SV2B: variants seen among roughly 807,000 people sequenced by gnomAD.
The protein encoded by SV2B is synaptic vesicle glycoprotein 2B.
Under a neutral mutation model 73.9 loss-of-function variants are expected in SV2B, and 41 were observed. The ratio of observed to expected loss-of-function variants is 0.56; its 90% CI spans 0.43 to 0.72. The LOEUF (loss-of-function observed/expected upper bound fraction) is 0.72, where lower values mean the gene tolerates loss of function less well. Among genes scored for constraint, SV2B ranks in the 30% least tolerant of loss-of-function variants. The pLI, the probability that SV2B is intolerant of heterozygous loss-of-function variation, is 0.00. For missense variants in SV2B, 764 were observed against 857.8 expected (o/e 0.89, Z 1.37); for synonymous variants, 314 against 314.2 (o/e 1.00, Z 0.01).
At position 91,121,592 on chromosome 15, in the gene SV2B, C is replaced by T. The variant is rs761531752; in HGVS notation, c.-392+21229C>T. 1.3e-5 allele frequency among the ~76,000 whole-genome samples: 2 copies of T among 151,874 alleles called. No homozygotes were observed. Among genetic ancestry groups the T allele is most frequent in the Non-Finnish European group, 2.9e-5 (2 of 68,006 alleles). On this transcript the variant is annotated intron_variant, in intron 1 of 12. Transcript: ENST00000394232. The surrounding 1 kb of genome is among the most constrained non-coding windows in gnomAD (Gnocchi z 4.4). ...AGACTTGACATGTGGGCAAACCGAG[C>T]AGGGCACCCATTAGCTGGAAGGGAA...
intron 1 of SV2B, among the ~76,000 whole-genome samples, chr15:91,159,596 C>A (rs999638916): frequency 6.6e-6 from 1 of 152,134 alleles, no homozygotes; most frequent in Admixed American, 6.6e-5. Context: ...AAATCAATAG[C>A]AAGCATTACA....
intron 1 of SV2B, among the ~76,000 whole-genome samples, chr15:91,145,871 G>A (rs1014937994): frequency 8.6e-5 from 13 of 152,036 alleles, no homozygotes; most frequent in African/African-American, 3.1e-4. Flanking sequence ...CCTTATAGAT[G>A]CTGGATATTA....
Position 91,296,931 on chromosome 15 carries a change from G to GTTGGGCGCACGCTCCTTCTGCCTGATCA in SV2B, c.*4384_*4385insCGCACGCTCCTTCTGCCTGATCATTGGG, listed in dbSNP as rs2049267453. 7.5e-6 allele frequency: 1 copy of GTTGGGCGCACGCTCCTTCTGCCTGATCA among 132,988 alleles called. No homozygotes were observed. The highest frequency in any genetic ancestry group is 3.2e-5 in the African/African-American group (1 of 31,596). The allele number at this position is 132,988 out of a possible 1,614,324, so 8.2% of individuals were successfully genotyped here. On this transcript the variant is annotated 3_prime_UTR_variant, in exon 13 of 13. Transcript: ENST00000394232. Reference sequence around the variant, plus strand: ...GGGCGCATGCTCCTTCTGCCCGATCGTTGGGAGCACGCTCATTCTGCCCGA... The same window carrying GTTGGGCGCACGCTCCTTCTGCCTGATCA: ...GGGCGCATGCTCCTTCTGCCCGATCGTTGGGCGCACGCTCCTTCTGCCTGATCATTGGGAGCACGCTCATTCTGCCCGA...
chr15:91,203,078 C>T lies in SV2B; in HGVS notation c.-391-22795C>T, dbSNP rs1364668635. Among the ~76,000 whole-genome samples the T allele has an allele frequency of 2.0e-5, 3 of 152,180 alleles. No individual in the cohort carries two copies. The East Asian group carries it at 5.8e-4, about 29-fold the overall frequency. On this transcript the variant is annotated intron_variant, in intron 1 of 12. Coordinates refer to ENST00000394232, the MANE Select transcript of SV2B (RefSeq NM_001323032.3). Reference sequence around the variant, plus strand: ...CTTATTACTGCATTATTTAATCCAGCAGTTAGGTGCCTGCCTAAGAACCTC... The same window carrying T: ...CTTATTACTGCATTATTTAATCCAGTAGTTAGGTGCCTGCCTAAGAACCTC...
intron 6 of SV2B, among the ~76,000 whole-genome samples, chr15:91,263,567 C>CACACAGACACAG (rs1050468813): frequency 6.6e-6 from 1 of 151,506 alleles, no homozygotes; most frequent in Admixed American, 6.6e-5. Flanking sequence ...CACAGAGACA[C>CACACAGACACAG]ACACAGACAC....
At chr15:91,219,205 T>A (rs976537770) in intron 1 of SV2B, among the ~76,000 whole-genome samples, 5 of 152,140 alleles carry the variant, frequency 3.3e-5, no homozygotes, top group Admixed American at 6.6e-5. Flanking sequence ...CAACTTGGCC[T>A]CCCAAAGTGC....
At position 91,260,301 on chromosome 15, in the gene SV2B, C is replaced by G; in HGVS notation, c.919-19C>G. On this transcript the variant is annotated intron_variant, in intron 5 of 12. Transcript: ENST00000394232. ...AGTCAGCAATGAATTTTTCCTGTGT[C>G]TTTCCTTGGTTTCACCAGATGGGCA... 6.3e-7 allele frequency: 1 copy of G among 1,595,882 alleles called. No homozygotes were observed. The highest frequency in any genetic ancestry group is 8.5e-7 in the Non-Finnish European group (1 of 1,174,336).
chr15:91,254,290 G>A (rs2047602879), intron 4 of SV2B, among the ~76,000 whole-genome samples: 1 of 147,240 alleles, frequency 6.8e-6, no homozygotes. Context: ...AGGCTGGAGT[G>A]CAGTAGCATG....
intron 1 of SV2B, among the ~76,000 whole-genome samples, chr15:91,222,503 C>T (rs1645680969): frequency 6.6e-6 from 1 of 152,134 alleles, no homozygotes; most frequent in African/African-American, 2.4e-5. Context: ...ATGTCATAGT[C>T]CTGTAATGCC....
intron 9 of SV2B, among the ~76,000 whole-genome samples, chr15:91,276,064 GTTTTT>G (rs35560168): frequency 5.7e-5 from 8 of 140,076 alleles, no homozygotes; most frequent in African/African-American, 2.1e-4. Flanking sequence ...TGGGTGGACA[GTTTTT>G]TTTTTTTTTC....
At chr15:91,134,315 T>C (rs1302150396) in intron 1 of SV2B, among the ~76,000 whole-genome samples, 2 of 152,126 alleles carry the variant, frequency 1.3e-5, no homozygotes, top group African/African-American at 4.8e-5. Context: ...CACTTCCTTG[T>C]CATCACTCAA....
rs1883621129 is a variant in SV2B, at chr15:91,258,306, C to T, written c.785-115C>T. 1 of 1,453,574 alleles carries T rather than the reference C, an allele frequency of 6.9e-7. No individual in the cohort carries two copies. Among genetic ancestry groups the T allele is most frequent in the African/African-American group, 1.4e-5 (1 of 71,294 alleles). The allele number at this position is 1,453,574 out of a possible 1,614,324, so 90.0% of individuals were successfully genotyped here. On this transcript the variant is annotated intron_variant, in intron 4 of 12. Transcript: ENST00000394232. This position sits in a 1 kb window ranked among gnomAD's most constrained non-coding sequence, Gnocchi z 4.7. ...GCTGAGGAGTCTGCATTTTAACCAC[C>T]TCCCCGGGTGACTCTCTTGTGCCCT...
chr15:91,179,582 T>C (rs547972169), intron 1 of SV2B, among the ~76,000 whole-genome samples: 178 of 152,304 alleles, frequency 1.2e-3, no homozygotes, highest in African/African-American at 4.1e-3. Context: ...TGCTCCTGTA[T>C]TGGGTGCATA....
chr15:91,147,308 G>A (rs2141206301), intron 1 of SV2B, among the ~76,000 whole-genome samples: 1 of 152,276 alleles, frequency 6.6e-6, no homozygotes, highest in East Asian at 1.9e-4. Context: ...TGACCTGGGA[G>A]TCCTCTGGAG....
Position 91,121,965 on chromosome 15 carries a change from G to A in SV2B, c.-392+21602G>A, listed in dbSNP as rs531229888. 2.6e-5 allele frequency among the ~76,000 whole-genome samples: 4 copies of A among 152,070 alleles called. No homozygotes were observed. Among genetic ancestry groups the A allele is most frequent in the South Asian group, 2.1e-4 (1 of 4,802 alleles). ...AATTTTTTGTATTTTTAGTAGAGAC[G>A]GGGTTTCACCATGTTAGCCAGGATG... On this transcript the variant is annotated intron_variant, in intron 1 of 12. Coordinates refer to ENST00000394232, the MANE Select transcript of SV2B (RefSeq NM_001323032.3). This position sits in a 1 kb window ranked among gnomAD's most constrained non-coding sequence, Gnocchi z 4.4.
intron 11 of SV2B, among the ~76,000 whole-genome samples, chr15:91,286,540 G>A (rs150737677): frequency 1.7e-4 from 26 of 152,244 alleles, no homozygotes; most frequent in African/African-American, 6.0e-4. Flanking sequence ...TGCTTAAGGC[G>A]CAAATGATCT....
At chr15:91,126,019 T>G (rs2042472535) in intron 1 of SV2B, among the ~76,000 whole-genome samples, 1 of 151,978 alleles carries the variant, frequency 6.6e-6, no homozygotes, top group Non-Finnish European at 1.5e-5. Context: ...ATGGATTACT[T>G]AATAGTCACA....
intron 1 of SV2B, among the ~76,000 whole-genome samples, chr15:91,147,382 T>A (rs7498036): frequency 6.6e-6 from 1 of 151,998 alleles, no homozygotes; most frequent in South Asian, 2.1e-4. Context: ...CTTGCCCAGA[T>A]GTGCCATGCA....
At chr15:91,260,448 C>T (rs753372358) in intron 6 of SV2B, 39 bp downstream of exon 6, 1 of 1,498,978 alleles carries the variant, frequency 6.7e-7, no homozygotes, top group Admixed American at 2.1e-5. Context: ...AGGGGGTTCT[C>T]CTCTTCACTG....
Sources: gnomAD v4.1 joint callset for allele counts (sites outside exome capture counted in the v4.1 genomes callset) on GRCh38, gnomAD v4.1.1 for gene constraint, Gnocchi (gnomAD v3.1) non-coding constraint, MANE v1.5 for transcripts, NCBI Gene and HGNC (gene_info 2026-07-23, HGNC 2026-07-21) for gene names.